Variants in ATP6V0D2 observed in about 807,000 individuals in gnomAD.
The protein encoded by ATP6V0D2 is V-type proton ATPase subunit d 2.
In ATP6V0D2, 40 loss-of-function variants were observed where a neutral mutation model predicts 40.0. The observed-to-expected ratio is 1.00, with a 90% confidence interval of 0.78 to 1.30. The LOEUF (loss-of-function observed/expected upper bound fraction) is 1.30. Among genes scored for constraint, ATP6V0D2 ranks in the 50% most tolerant of loss-of-function variants. The pLI, the probability that ATP6V0D2 is intolerant of heterozygous loss-of-function variation, is 0.00. For missense variants in ATP6V0D2, 470 were observed against 423.1 expected (o/e 1.11, Z -0.97); for synonymous variants, 179 against 156.3 (o/e 1.15, Z -1.08).
intron 2 of ATP6V0D2, among the ~76,000 whole-genome samples, chr8:86,124,481 C>T (rs16887456): frequency 0.62 from 94,730 of 151,940 alleles, 30,399 homozygotes; most frequent in Non-Finnish European, 0.71. Context: ...TTACTAGGTT[C>T]TGGAATGCAG....
In ATP6V0D2 at chr8:86,154,130, C is replaced by A. The variant is rs191791814; in HGVS notation, c.*1153C>A. ...TGATGTAATCAGCTTGAGAAAGCAACACAATTTCAAATCCTATCTTCTAGA... is the reference window on the plus strand; with the variant it reads ...TGATGTAATCAGCTTGAGAAAGCAAAACAATTTCAAATCCTATCTTCTAGA... On this transcript the variant is annotated 3_prime_UTR_variant, in exon 8 of 8. Coordinates refer to ENST00000285393, the MANE Select transcript of ATP6V0D2 (RefSeq NM_152565.1). 3 of 152,116 alleles carry A rather than the reference C, an allele frequency of 2.0e-5. No homozygotes were observed. Among genetic ancestry groups the A allele is most frequent in the Admixed American group, 6.6e-5 (1 of 15,250 alleles). 9.4% of individuals were successfully genotyped at this position (152,116 alleles called of 1,614,324 possible). A position where few individuals can be genotyped will look rare whatever the true frequency, so the allele number is the denominator to read the frequency against.
At chr8:86,137,530 A>T (rs1818914111) in intron 2 of ATP6V0D2, among the ~76,000 whole-genome samples, 1 of 152,138 alleles carries the variant, frequency 6.6e-6, no homozygotes, top group South Asian at 2.1e-4. Context: ...AATGTCTCGA[A>T]TCGGCAGCTG....
intron 2 of ATP6V0D2, among the ~76,000 whole-genome samples, chr8:86,135,181 G>A (rs1438026616): frequency 6.6e-6 from 1 of 152,148 alleles, no homozygotes; most frequent in Non-Finnish European, 1.5e-5. Flanking sequence ...TATTGCTAAT[G>A]ACACTGAAGT....
At chr8:86,145,091 C>T (rs1228115022) in intron 5 of ATP6V0D2, among the ~76,000 whole-genome samples, 2 of 150,762 alleles carry the variant, frequency 1.3e-5, no homozygotes, top group African/African-American at 2.4e-5. Flanking sequence ...AAGGTTGAAC[C>T]TGGGAGGTGG....
At position 86,151,510 on chromosome 8, in the gene ATP6V0D2, G is replaced by A; in HGVS notation, c.861G>A (p.Lys287=). ...AAGCTGTAGGTGGCAGTGGGGGAAA[G>A]ACATTGGAGGACGTGTTTTACGAGC... ...LFEAVGGSGG[K]TLEDVFYERE... Residue 287 remains lysine, a synonymous_variant, in exon 7 of 8, where the codon AAG becomes AAA. Coordinates refer to ENST00000285393, the MANE Select transcript of ATP6V0D2 (RefSeq NM_152565.1). 2 of 1,608,232 alleles carry A rather than the reference G, an allele frequency of 1.2e-6. No homozygotes were observed. The highest frequency in any genetic ancestry group is 1.1e-5 in the South Asian group (1 of 89,842).
intron 4 of ATP6V0D2, 113 bp from the exon 5 acceptor site, chr8:86,142,764 G>A (rs1391680827): frequency 1.6e-6 from 1 of 607,128 alleles, no homozygotes; most frequent in Non-Finnish European, 2.8e-6. Flanking sequence ...TCCTATGGGA[G>A]ATGTAATTCA....
At chr8:86,125,152 G>C (rs539979372) in intron 2 of ATP6V0D2, among the ~76,000 whole-genome samples, 2 of 152,112 alleles carry the variant, frequency 1.3e-5, no homozygotes, top group African/African-American at 4.8e-5. Context: ...CTGAGGTTGA[G>C]GATGTTAAGG....
intron 2 of ATP6V0D2, among the ~76,000 whole-genome samples, chr8:86,114,699 T>C (rs1335798497): frequency 3.9e-5 from 6 of 152,112 alleles, no homozygotes; most frequent in Admixed American, 2.6e-4. Context: ...AAAATTGAAC[T>C]CCCACATAAT....
At chr8:86,110,051 A>G (rs1818512170) in intron 1 of ATP6V0D2, among the ~76,000 whole-genome samples, 1 of 152,166 alleles carries the variant, frequency 6.6e-6, no homozygotes. Context: ...GACACATAAA[A>G]ATTGCATATA....
chr8:86,117,231 C>T (rs918688611), intron 2 of ATP6V0D2, among the ~76,000 whole-genome samples: 6 of 152,164 alleles, frequency 3.9e-5, no homozygotes, highest in Admixed American at 2.0e-4. Flanking sequence ...TCATTGCCTT[C>T]TGGGTATTTT....
chr8:86,141,305 A>G, intron 3 of ATP6V0D2, 145 bp from the exon 4 acceptor site: 4 of 549,182 alleles, frequency 7.3e-6, no homozygotes, highest in Non-Finnish European at 1.3e-5. Context: ...CATTACTATT[A>G]GCCCTATTTA....
chr8:86,136,819 C>T (rs566685275), intron 2 of ATP6V0D2, among the ~76,000 whole-genome samples: 37 of 152,258 alleles, frequency 2.4e-4, no homozygotes, highest in African/African-American at 7.2e-4. Context: ...AAATTTTCAT[C>T]CAGTAAAAAG....
chr8:86,153,181 C>T lies in ATP6V0D2; in HGVS notation c.*204C>T, dbSNP rs1037571460. ...TTTCAGTGGTATTAGATCTTGTTTC[C>T]ACATGTCTGTCTCATTCTTCACTGG... is the stretch of plus-strand genomic sequence containing the variant. On this transcript the variant is annotated 3_prime_UTR_variant, in exon 8 of 8. Coordinates refer to ENST00000285393, the MANE Select transcript of ATP6V0D2 (RefSeq NM_152565.1). The T allele has an allele frequency of 1.0e-5, 4 of 388,582 alleles. No individual in the cohort carries two copies. Among genetic ancestry groups the T allele is most frequent in the African/African-American group, 2.2e-5 (1 of 46,118 alleles). 24.1% of individuals were successfully genotyped at this position (388,582 alleles called of 1,614,324 possible).
intron 2 of ATP6V0D2, among the ~76,000 whole-genome samples, chr8:86,120,601 C>T (rs1328473356): frequency 2.0e-5 from 3 of 152,184 alleles, no homozygotes; most frequent in East Asian, 3.9e-4. Flanking sequence ...CTGCATTCTT[C>T]CATTAGCCAC....
intron 1 of ATP6V0D2, among the ~76,000 whole-genome samples, chr8:86,105,132 G>A (rs1160675809): frequency 1.3e-5 from 2 of 151,864 alleles, no homozygotes; most frequent in East Asian, 1.9e-4. Flanking sequence ...TTAGCTCCAC[G>A]GTACCTTGTA....
At chr8:86,136,276 G>A (rs1818895465) in intron 2 of ATP6V0D2, among the ~76,000 whole-genome samples, 1 of 152,200 alleles carries the variant, frequency 6.6e-6, no homozygotes, top group African/African-American at 2.4e-5. Context: ...TGCACACACT[G>A]TAGAGGCAGG....
At chr8:86,147,628 A>G (rs1386006789) in intron 5 of ATP6V0D2, among the ~76,000 whole-genome samples, 9 of 152,208 alleles carry the variant, frequency 5.9e-5, no homozygotes, top group African/African-American at 2.2e-4. Flanking sequence ...CTTACCCAAA[A>G]GAGCCTCTAG....
intron 1 of ATP6V0D2, among the ~76,000 whole-genome samples, chr8:86,102,243 G>A (rs1818409264): frequency 6.6e-6 from 1 of 152,176 alleles, no homozygotes; most frequent in African/African-American, 2.4e-5. Context: ...GAAATAAATA[G>A]TGTGTGAACA....
intron 5 of ATP6V0D2, among the ~76,000 whole-genome samples, chr8:86,147,694 A>G (rs1384759880): frequency 6.6e-6 from 1 of 152,236 alleles, no homozygotes; most frequent in Admixed American, 6.5e-5. Context: ...AATGGAATGT[A>G]ATCAGGGTTC....
Sources: gnomAD v4.1 joint callset for allele counts (sites outside exome capture counted in the v4.1 genomes callset) on GRCh38, gnomAD v4.1.1 for gene constraint, MANE v1.5 for transcripts, NCBI Gene and HGNC (gene_info 2026-07-23, HGNC 2026-07-21) for gene names.